RSAD2: variants seen among roughly 807,000 people sequenced by gnomAD.
RSAD2 encodes the protein radical S-adenosyl methionine domain containing 2.
A neutral mutation model predicts 37.7 loss-of-function variants in RSAD2; 38 were observed. The ratio of observed to expected loss-of-function variants is 1.01; its 90% CI spans 0.78 to 1.32. RSAD2 has a LOEUF of 1.32. RSAD2 is among the 40% of genes most tolerant of loss of function. RSAD2 has a pLI of 0.00. For synonymous variants in RSAD2, 163 were observed against 157.4 expected, an observed-to-expected ratio of 1.04 and a Z score of -0.27; for missense variants, 428 against 437.5, an observed-to-expected ratio of 0.98 and a Z score of 0.19.
intron 3 of RSAD2, 76 bp downstream of exon 3, chr2:6,887,240 A>G: frequency 9.1e-7 from 1 of 1,095,252 alleles, no homozygotes; most frequent in Non-Finnish European, 1.4e-6. Flanking sequence ...TGAAACTGAA[A>G]ACAATACTGA....
chr2:6,881,082 A>T (rs768133666), intron 1 of RSAD2, among the ~76,000 whole-genome samples: 1 of 152,078 alleles, frequency 6.6e-6, no homozygotes. Flanking sequence ...TTATTCTTCC[A>T]TCCCTTCTAA....
rs755920936 is a variant in RSAD2 at position 6,884,016 on chromosome 2, G to T, written c.508+484G>T. The stretch of plus-strand genomic sequence containing the variant: ...AATTCTAAGGCTGCTGAGATTCCTC[G>T]CAGTTCAGTTTTCTGCAGGTGTCAT... On this transcript the variant is annotated intron_variant, in intron 2 of 5. Transcript: ENST00000382040. 2.6e-4 allele frequency among the ~76,000 whole-genome samples: 39 copies of T among 152,160 alleles called. 1 individual carries two copies. Among genetic ancestry groups the T allele is most frequent in the Non-Finnish European group, 4.7e-4 (32 of 68,028 alleles).
chr2:6,877,750 A>T (rs774324612), upstream of RSAD2: 4 of 1,421,886 alleles, frequency 2.8e-6, no homozygotes, highest in South Asian at 5.1e-5. Context: ...ATCCCTATAT[A>T]AAGAGAGTCC....
chr2:6,891,925 GATAAT>G lies in RSAD2; in HGVS notation c.888+1607_888+1611del, dbSNP rs1369885850. Among the ~76,000 whole-genome samples, 4 of 152,270 alleles carry G rather than the reference GATAAT, an allele frequency of 2.6e-5. No homozygotes were observed. In the South Asian group the frequency reaches 8.3e-4, roughly 32 times the overall value. On this transcript the variant is annotated intron_variant, in intron 4 of 5. Transcript: ENST00000382040. ...TTTTTAAGTGACAAGGAGAAATTCT[GATAAT>G]ATAATAGTAGGTACAGATAAAAAAC... is the stretch of plus-strand genomic sequence containing the variant.
intron 1 of RSAD2, among the ~76,000 whole-genome samples, chr2:6,869,964 A>T (rs1338270650): frequency 6.6e-6 from 1 of 152,156 alleles, no homozygotes; most frequent in Non-Finnish European, 1.5e-5. Flanking sequence ...TCAAAACACA[A>T]TGGGATTGAT....
At chr2:6,894,040 G>C (rs1663689719) in intron 5 of RSAD2, among the ~76,000 whole-genome samples, 1 of 152,188 alleles carries the variant, frequency 6.6e-6, no homozygotes, top group African/African-American at 2.4e-5. Flanking sequence ...ATGTAGTCCT[G>C]GGCTGGAGGC....
intron 1 of RSAD2, among the ~76,000 whole-genome samples, chr2:6,867,946 T>C (rs1179471669): frequency 1.3e-5 from 2 of 152,236 alleles, no homozygotes; most frequent in Non-Finnish European, 2.9e-5. Flanking sequence ...TTCTGTTAGA[T>C]TTTCAAGCCC....
rs962733196 is a variant in RSAD2 at position 6,886,997 on chromosome 2, A to G, written c.571A>G (p.Ile191Val). Residue 191 changes from isoleucine (I) to valine (V), a missense_variant, in exon 3 of 6, where the codon ATT becomes GTT. Ile to Val is a conservative substitution (Grantham distance 29, BLOSUM62 3). Coordinates refer to ENST00000382040, the MANE Select transcript of RSAD2 (RefSeq NM_080657.5). ...DSFDEEVNVL[I>V]GRGQGKKNHV... is the part of the protein sequence containing the mutation. The stretch of plus-strand genomic sequence containing the variant: ...CTTTGACGAGGAAGTCAATGTCCTT[A>G]TTGGCCGTGGCCAAGGAAAGAAGAA... The G allele has an allele frequency of 1.9e-6, 3 of 1,614,180 alleles. No homozygotes were observed. The highest frequency in any genetic ancestry group is 3.3e-5 in the Admixed American group (2 of 60,020).
chr2:6,874,441 A>C (rs1052358849), upstream of RSAD2, among the ~76,000 whole-genome samples: 2 of 152,356 alleles, frequency 1.3e-5, no homozygotes, highest in African/African-American at 4.8e-5. Flanking sequence ...ATTTTCTTTT[A>C]AATTTTCTTG....
At chr2:6,894,929 T>C (rs991288609) in intron 5 of RSAD2, among the ~76,000 whole-genome samples, 5 of 152,376 alleles carry the variant, frequency 3.3e-5, no homozygotes, top group Middle Eastern at 3.4e-3. Context: ...TATGATTGTC[T>C]AGTGATTTTG....
intron 4 of RSAD2, among the ~76,000 whole-genome samples, chr2:6,893,431 A>G (rs1293080608): frequency 6.6e-6 from 1 of 152,190 alleles, no homozygotes; most frequent in African/African-American, 2.4e-5. Flanking sequence ...TTCAGGATGA[A>G]GGTTCTGATG....
In RSAD2 at chr2:6,877,985, A is replaced by G. The variant is rs1157577427; in HGVS notation, c.185A>G (p.Glu62Gly). ...VLRGPDETKE[E>G]EEDPPLPTTP... ...AGAGGGCCAGATGAGACCAAAGAGG[A>G]GGAAGAGGACCCTCCTCTGCCCACC... Residue 62 changes from glutamate to glycine, a missense_variant, in exon 1 of 6, where the codon GAG becomes GGG. By Grantham distance (98) the Glu-to-Gly change is moderately conservative. Transcript: ENST00000382040. The G allele has an allele frequency of 3.1e-6, 5 of 1,613,990 alleles. No homozygotes were observed. The highest frequency in any genetic ancestry group is 4.2e-6 in the Non-Finnish European group (5 of 1,180,022).
chr2:6,879,841 G>A (rs1158269206), intron 1 of RSAD2, among the ~76,000 whole-genome samples: 3 of 152,056 alleles, frequency 2.0e-5, no homozygotes, highest in South Asian at 4.1e-4. Context: ...GAGATATGTC[G>A]AGGGAAATTA....
intron 1 of RSAD2, among the ~76,000 whole-genome samples, chr2:6,882,346 T>G (rs1663421962): frequency 6.6e-6 from 1 of 152,104 alleles, no homozygotes; most frequent in South Asian, 2.1e-4. Flanking sequence ...AAGAATAGAA[T>G]GCCTGGAAAG....
At chr2:6,885,952 G>A (rs530715666) in intron 2 of RSAD2, among the ~76,000 whole-genome samples, 26 of 152,224 alleles carry the variant, frequency 1.7e-4, no homozygotes, top group Non-Finnish European at 2.4e-4. Flanking sequence ...TTTTGAGGGC[G>A]TATGTTACAT....
chr2:6,893,759 T>C lies in RSAD2; in HGVS notation c.921+56T>C. ...AACTTAATTAATTAATTAGCAGTAA[T>C]GGCAGAGTTGAGTTCCATGAGCATA... On this transcript the variant is annotated intron_variant, in intron 5 of 5. Coordinates refer to ENST00000382040, the MANE Select transcript of RSAD2 (RefSeq NM_080657.5). The C allele has an allele frequency of 1.6e-6, 2 of 1,264,182 alleles. 1 individual carries two copies. Among genetic ancestry groups the C allele is most frequent in the Non-Finnish European group, 2.3e-6 (2 of 869,664 alleles). The allele number at this position is 1,264,182 out of a possible 1,614,324, so 78.3% of individuals were successfully genotyped here. A position where few individuals can be genotyped will look rare whatever the true frequency, so the allele number is the denominator to read the frequency against.
rs1558330111 is a variant in RSAD2 at position 6,866,004 on chromosome 2, CG to C, written c.105del (p.Leu36Ter). On this transcript the variant is annotated frameshift_variant, in exon 1 of 6. Transcript: ENST00000442639. LOFTEE classifies it high-confidence loss of function. Reference sequence around the variant, plus strand: ...TGCGCGGTCCCCAGGCGCCGGCTCCCGGGGCTGACACCGAATGAGGCCCCGC... The same window carrying C: ...TGCGCGGTCCCCAGGCGCCGGCTCCCGGGCTGACACCGAATGAGGCCCCGC... 3 of 616,998 alleles carry C rather than the reference CG, an allele frequency of 4.9e-6. No homozygotes were observed. The highest frequency in any genetic ancestry group is 4.7e-5 in the South Asian group (2 of 42,426). 38.2% of individuals were successfully genotyped at this position (616,998 alleles called of 1,614,324 possible). A position where few individuals can be genotyped will look rare whatever the true frequency, so the allele number is the denominator to read the frequency against.
intron 1 of RSAD2, among the ~76,000 whole-genome samples, chr2:6,881,841 G>A (rs746872920): frequency 3.3e-5 from 5 of 151,416 alleles, no homozygotes; most frequent in African/African-American, 4.9e-5. Context: ...CTCCTAGAAC[G>A]CAGGCAGGCA....
At chr2:6,877,624 G>GT, upstream of RSAD2, 1 of 599,492 alleles carries the variant, frequency 1.7e-6, no homozygotes, top group Non-Finnish European at 2.9e-6. Context: ...TCTTGGCCCT[G>GT]TTTCAACTTT....
Sources: allele counts gnomAD v4.1 joint callset (sites outside exome capture counted in the v4.1 genomes callset), GRCh38; gene constraint gnomAD v4.1.1; transcripts MANE v1.5; gene names NCBI Gene and HGNC (gene_info 2026-07-23, HGNC 2026-07-21).